The following SEMA6A variants were observed in gnomAD, a reference collection of about 807,000 sequenced individuals.
SEMA6A encodes the protein semaphorin 6A.
Under a neutral mutation model 96.8 loss-of-function variants are expected in SEMA6A, and 25 were observed. The observed-to-expected ratio is 0.26, with a 90% CI of 0.19 to 0.36. The LOEUF (loss-of-function observed/expected upper bound fraction) is 0.36, where lower values mean the gene tolerates loss of function less well. SEMA6A is among the 10% of genes least tolerant of loss of function. The pLI is 1.00. For missense variants in SEMA6A, 1,363 were observed against 1,323.1 expected (o/e 1.03, Z -0.47); for synonymous variants, 612 against 518.0 (o/e 1.18, Z -2.46).
chr5:116,478,447 C>T, intron 13 of SEMA6A, 95 bp downstream of exon 13: 1 of 1,292,934 alleles, frequency 7.7e-7, no homozygotes, highest in Non-Finnish European at 1.0e-6. Context: ...TCTAAAAATG[C>T]ATAAAACCTC....
At chr5:116,521,292 A>G (rs1411097466) in intron 1 of SEMA6A, among the ~76,000 whole-genome samples, 5 of 152,214 alleles carry the variant, frequency 3.3e-5, no homozygotes, top group Admixed American at 6.5e-5. Flanking sequence ...TCGATTGCCA[A>G]TGACACACAG....
At position 116,493,339 on chromosome 5, in the gene SEMA6A, G is replaced by A. The variant is rs370575635; in HGVS notation, c.445-1509C>T. On this transcript the variant is annotated intron_variant, in intron 6 of 18. Transcript: ENST00000343348. ...ACAAACAGGGATGGAATATTAAGTG[G>A]TAAATTAAAGTTGAAACCTTATCTG... Among the ~76,000 whole-genome samples, 63 of 152,272 alleles carry A rather than the reference G, an allele frequency of 4.1e-4. No homozygotes were observed. The East Asian group carries it at 7.1e-3, about 17-fold the overall frequency.
intron 10 of SEMA6A, among the ~76,000 whole-genome samples, chr5:116,483,672 G>A (rs532516490): frequency 3.7e-4 from 56 of 152,254 alleles, no homozygotes; most frequent in African/African-American, 1.3e-3. Context: ...GAAATAGGGA[G>A]AAGCTTAAAA....
chr5:116,544,891 C>G (rs1760120436), intron 1 of SEMA6A, among the ~76,000 whole-genome samples: 1 of 152,162 alleles, frequency 6.6e-6, no homozygotes, highest in African/African-American at 2.4e-5. Flanking sequence ...CTTTGATTCT[C>G]CATTTAAAGT....
chr5:116,459,586 T>TA (rs1755242973), intron 18 of SEMA6A, among the ~76,000 whole-genome samples: 1 of 152,158 alleles, frequency 6.6e-6, no homozygotes, highest in Non-Finnish European at 1.5e-5. Flanking sequence ...TTTCACAGTG[T>TA]GGTATCTTGG....
intron 1 of SEMA6A, 21 bp downstream of exon 1, chr5:116,574,164 G>C (rs1277854127): frequency 6.6e-6 from 1 of 150,686 alleles, no homozygotes; most frequent in Non-Finnish European, 1.5e-5. Flanking sequence ...GGTGGGGCGC[G>C]CCCGGGCGCC....
chr5:116,482,328 A>G (rs1478057751), intron 11 of SEMA6A, 116 bp downstream of exon 11: 2 of 1,149,706 alleles, frequency 1.7e-6, no homozygotes, highest in Non-Finnish European at 2.5e-6. Context: ...GATGAAGGCA[A>G]TCTGCTTGGC....
intron 9 of SEMA6A, 48 bp from the exon 10 acceptor site, chr5:116,487,014 A>C: frequency 1.5e-6 from 2 of 1,352,112 alleles, no homozygotes; most frequent in East Asian, 4.6e-5. Context: ...TCATTTTGCA[A>C]GGAGATCTTA....
At chr5:116,535,687 A>G (rs988542922) in intron 1 of SEMA6A, among the ~76,000 whole-genome samples, 1 of 152,196 alleles carries the variant, frequency 6.6e-6, no homozygotes, top group Admixed American at 6.5e-5. Flanking sequence ...AAGAGGCAGC[A>G]CTTTCAACAA....
At chr5:116,551,655 A>T (rs1367731644) in intron 1 of SEMA6A, among the ~76,000 whole-genome samples, 68 of 152,210 alleles carry the variant, frequency 4.5e-4, no homozygotes, top group African/African-American at 1.6e-3. Context: ...GGTCAGTGAC[A>T]TGCAGTCTCT....
At chr5:116,480,599 T>A (rs1008115201) in intron 11 of SEMA6A, among the ~76,000 whole-genome samples, 4 of 152,096 alleles carry the variant, frequency 2.6e-5, no homozygotes, top group Non-Finnish European at 5.9e-5. Flanking sequence ...TGCACATATC[T>A]CGGGGATGGT....
intron 1 of SEMA6A, among the ~76,000 whole-genome samples, chr5:116,519,312 A>G (rs1758817754): frequency 6.6e-6 from 1 of 152,190 alleles, no homozygotes; most frequent in Admixed American, 6.5e-5. Context: ...TTCTATTCCA[A>G]AGGAACACTG....
chr5:116,553,739 G>A (rs1005927103), intron 1 of SEMA6A, among the ~76,000 whole-genome samples: 2 of 152,044 alleles, frequency 1.3e-5, no homozygotes, highest in East Asian at 3.9e-4. Flanking sequence ...TGGGAAAGAG[G>A]GGGTGGATTC....
chr5:116,516,319 G>A (rs1352546741), intron 1 of SEMA6A, among the ~76,000 whole-genome samples: 1 of 152,040 alleles, frequency 6.6e-6, no homozygotes, highest in Non-Finnish European at 1.5e-5. Context: ...GACACATCGA[G>A]AACAGACATG....
intron 1 of SEMA6A, among the ~76,000 whole-genome samples, chr5:116,557,416 T>C (rs153638): frequency 0.71 from 108,059 of 152,168 alleles, 40,182 homozygotes; most frequent in East Asian, 0.87. Flanking sequence ...TTTGCCATGT[T>C]GCCCAGGCTT....
chr5:116,565,060 T>C (rs1760973725), intron 1 of SEMA6A, among the ~76,000 whole-genome samples: 1 of 152,236 alleles, frequency 6.6e-6, no homozygotes, highest in Non-Finnish European at 1.5e-5. Context: ...GTGAATAGTC[T>C]TAATGAAGAG....
chr5:116,459,403 C>T (rs182438389), intron 18 of SEMA6A, among the ~76,000 whole-genome samples: 4 of 152,216 alleles, frequency 2.6e-5, no homozygotes, highest in Admixed American at 1.3e-4. Context: ...CTCCTGTGGT[C>T]CCTTTCTTCC....
intron 8 of SEMA6A, 104 bp downstream of exon 8, chr5:116,488,784 A>G (rs1757187221): frequency 1.6e-5 from 21 of 1,310,004 alleles, no homozygotes; most frequent in Non-Finnish European, 2.0e-5. Context: ...GTCAGAAGCC[A>G]TTACTCAAAT....
intron 1 of SEMA6A, among the ~76,000 whole-genome samples, chr5:116,532,729 A>T (rs1474745545): frequency 1.3e-5 from 2 of 152,016 alleles, no homozygotes; most frequent in East Asian, 3.9e-4. Context: ...AAAATCAATG[A>T]ATCAGTAAAG....
Sources: gnomAD v4.1 joint callset for allele counts (sites outside exome capture counted in the v4.1 genomes callset) on GRCh38, gnomAD v4.1.1 for gene constraint, MANE v1.5 for transcripts, NCBI Gene and HGNC (gene_info 2026-07-23, HGNC 2026-07-21) for gene names.